TRERF1: variants seen among roughly 807,000 people sequenced by gnomAD.
TRERF1 encodes transcriptional-regulating factor 1.
A neutral mutation model predicts 122.9 loss-of-function variants in TRERF1; 27 were observed. The ratio of observed to expected loss-of-function variants is 0.22; its 90% confidence interval spans 0.16 to 0.30. TRERF1 has a LOEUF of 0.30. TRERF1 is among the 10% of genes least tolerant of loss of function. The pLI is 1.00. For missense variants in TRERF1, 1,248 were observed against 1,560.3 expected, an observed-to-expected ratio of 0.80 and a Z score of 3.37; for synonymous variants, 636 against 641.7, an observed-to-expected ratio of 0.99 and a Z score of 0.13.
At chr6:42,344,102 A>T (rs1767820618) in intron 3 of TRERF1, among the ~76,000 whole-genome samples, 1 of 152,230 alleles carries the variant, frequency 6.6e-6, no homozygotes, top group Non-Finnish European at 1.5e-5. Flanking sequence ...AGCTGCGTTC[A>T]CCTGGAGAAA....
chr6:42,321,807 G>A (rs1262545085), intron 3 of TRERF1, among the ~76,000 whole-genome samples: 1 of 151,648 alleles, frequency 6.6e-6, no homozygotes, highest in Admixed American at 6.6e-5. Context: ...TTTAAATGTT[G>A]GCTGTAAGCC....
At chr6:42,406,762 A>AC (rs1239587641) in intron 2 of TRERF1, among the ~76,000 whole-genome samples, 2 of 125,768 alleles carry the variant, frequency 1.6e-5, no homozygotes, top group East Asian at 4.6e-4. Context: ...CTTACCCCCC[A>AC]CCCCCCTCCT....
chr6:42,355,376 C>T (rs1770319627), intron 3 of TRERF1, among the ~76,000 whole-genome samples: 1 of 152,110 alleles, frequency 6.6e-6, no homozygotes, highest in Non-Finnish European at 1.5e-5. Flanking sequence ...TGAAGCTATT[C>T]CTGCATTCCA....
chr6:42,369,358 C>T (rs1357812208), intron 2 of TRERF1, among the ~76,000 whole-genome samples: 1 of 152,104 alleles, frequency 6.6e-6, no homozygotes, highest in South Asian at 2.1e-4. Flanking sequence ...GCATGAGAAT[C>T]GCTTGAACCT....
chr6:42,442,831 C>A (rs564042244), intron 2 of TRERF1, among the ~76,000 whole-genome samples: 1 of 152,272 alleles, frequency 6.6e-6, no homozygotes, highest in South Asian at 2.1e-4. Context: ...TCAGAGTGCA[C>A]AAAATTTGGA....
intron 3 of TRERF1, among the ~76,000 whole-genome samples, chr6:42,328,019 T>G (rs1462461251): frequency 6.8e-6 from 1 of 146,920 alleles, no homozygotes; most frequent in African/African-American, 2.5e-5. Context: ...TTTTTTTTTT[T>G]TTTTGAGACA....
chr6:42,358,845 C>A (rs1463381549), intron 3 of TRERF1, among the ~76,000 whole-genome samples: 1 of 145,010 alleles, frequency 6.9e-6, no homozygotes, highest in Non-Finnish European at 1.5e-5. Context: ...CATTTGAGAA[C>A]CACTAGTTTA....
At chr6:42,230,306 T>G (rs535765081) in intron 17 of TRERF1, among the ~76,000 whole-genome samples, 2 of 151,966 alleles carry the variant, frequency 1.3e-5, no homozygotes, top group Non-Finnish European at 2.9e-5. Flanking sequence ...GTATTTTCCA[T>G]GAAATCATAA....
chr6:42,350,743 G>C (rs1769268827), intron 3 of TRERF1, among the ~76,000 whole-genome samples: 1 of 152,036 alleles, frequency 6.6e-6, no homozygotes, highest in African/African-American at 2.4e-5. Flanking sequence ...CTGTTAACTG[G>C]GCAGACTCAA....
intron 3 of TRERF1, among the ~76,000 whole-genome samples, chr6:42,320,721 G>A (rs926259090): frequency 6.4e-4 from 98 of 152,142 alleles, no homozygotes; most frequent in African/African-American, 2.3e-3. Flanking sequence ...ATGTTGGCGA[G>A]GCTGTCTTAA....
chr6:42,257,754 C>T (rs994359167), intron 10 of TRERF1, among the ~76,000 whole-genome samples: 1 of 152,210 alleles, frequency 6.6e-6, no homozygotes, highest in African/African-American at 2.4e-5. Flanking sequence ...AAGTACTTAA[C>T]AAGCCCATTT....
intron 3 of TRERF1, among the ~76,000 whole-genome samples, chr6:42,310,202 C>T (rs1322170947): frequency 1.3e-5 from 2 of 152,178 alleles, no homozygotes; most frequent in Non-Finnish European, 2.9e-5. Context: ...CTTCTGGGCT[C>T]AGGCAATCCT....
At position 42,228,783 on chromosome 6, in the gene TRERF1, C is replaced by G; in HGVS notation, c.3279-114G>C. 1 of 1,064,280 alleles carries G rather than the reference C, an allele frequency of 9.4e-7. No homozygotes were observed. Among genetic ancestry groups the G allele is most frequent in the Non-Finnish European group, 1.4e-6 (1 of 737,526 alleles). 65.9% of individuals were successfully genotyped at this position (1,064,280 alleles called of 1,614,324 possible). ...TGGTCTGACAAAGTCCCTGGCTGCT[C>G]GGCTTCTAGGACCTCCTTCCCCTGT... is the stretch of plus-strand genomic sequence containing the variant. On this transcript the variant is annotated intron_variant, in intron 17 of 17. Coordinates refer to ENST00000372922, the Ensembl canonical transcript of TRERF1. This position sits in a 1 kb window ranked among gnomAD's most constrained non-coding sequence, Gnocchi z 4.2.
chr6:42,388,773 C>A (rs770888700), intron 2 of TRERF1, among the ~76,000 whole-genome samples: 2 of 152,190 alleles, frequency 1.3e-5, no homozygotes, highest in African/African-American at 2.4e-5. Flanking sequence ...TCTATGTGTT[C>A]CATTCATTGT....
At chr6:42,406,813 A>G (rs1054135269) in intron 2 of TRERF1, among the ~76,000 whole-genome samples, 2 of 150,762 alleles carry the variant, frequency 1.3e-5, no homozygotes, top group African/African-American at 4.9e-5. Context: ...CTCCCTCTGG[A>G]TGTACAAGCT....
intron 2 of TRERF1, among the ~76,000 whole-genome samples, chr6:42,373,990 G>C (rs999035504): frequency 6.9e-6 from 1 of 145,876 alleles, no homozygotes; most frequent in Non-Finnish European, 1.5e-5. Flanking sequence ...AAAATTAGCT[G>C]GGCGTGGTGG....
intron 2 of TRERF1, among the ~76,000 whole-genome samples, chr6:42,415,645 C>T (rs146637725): frequency 4.6e-5 from 7 of 152,212 alleles, no homozygotes; most frequent in South Asian, 2.1e-4. Context: ...TGAAATACTG[C>T]GTTTATCACA....
intron 16 of TRERF1, 102 bp from the exon 17 acceptor site, chr6:42,233,030 G>T: frequency 1.6e-6 from 2 of 1,281,144 alleles, no homozygotes; most frequent in Non-Finnish European, 1.0e-6. Context: ...CAAACTTTGG[G>T]CATATGCTAC....
chr6:42,262,211 CTTCTT>C (rs1778028111), intron 8 of TRERF1, among the ~76,000 whole-genome samples: 2 of 152,080 alleles, frequency 1.3e-5, no homozygotes, highest in African/African-American at 2.4e-5. Context: ...ATCAGTTTCT[CTTCTT>C]TTGAGGACTT....
Sources: gnomAD v4.1 joint callset for allele counts (sites outside exome capture counted in the v4.1 genomes callset) on GRCh38, gnomAD v4.1.1 for gene constraint, Gnocchi (gnomAD v3.1) non-coding constraint, MANE v1.5 for transcripts, NCBI Gene and HGNC (gene_info 2026-07-23, HGNC 2026-07-21) for gene names.